C12orf50: variants seen among roughly 807,000 people sequenced by gnomAD.
C12orf50 encodes zinc finger CCCH-type containing 11D.
A neutral mutation model predicts 61.6 loss-of-function variants in C12orf50; 35 were observed. The ratio of observed to expected loss-of-function variants is 0.57; its 90% confidence interval spans 0.43 to 0.75. The LOEUF is 0.75. Ranked by LOEUF, C12orf50 falls within the 30% of genes least tolerant of loss-of-function variation. The pLI is 0.00. For synonymous variants in C12orf50, 178 were observed against 161.5 expected (o/e 1.10, Z -0.77); for missense variants, 475 against 488.5 (o/e 0.97, Z 0.26).
intron 3 of C12orf50, among the ~76,000 whole-genome samples, chr12:87,999,134 A>T (rs959019234): frequency 6.6e-6 from 1 of 152,206 alleles, no homozygotes; most frequent in African/African-American, 2.4e-5. Flanking sequence ...AACAAGTCCC[A>T]GATTTTGCTG....
chr12:88,023,384 G>A (rs867316524), intron 3 of C12orf50, among the ~76,000 whole-genome samples: 1 of 151,740 alleles, frequency 6.6e-6, no homozygotes, highest in Non-Finnish European at 1.5e-5. Context: ...CTTAAATGTA[G>A]GCCAGGCACG....
intron 3 of C12orf50, among the ~76,000 whole-genome samples, chr12:88,001,126 G>A (rs977131781): frequency 6.6e-6 from 1 of 151,746 alleles, no homozygotes; most frequent in Non-Finnish European, 1.5e-5. Flanking sequence ...GCTATCAGCT[G>A]TGGATTTTTC....
At chr12:88,010,196 T>A (rs2136461531) in intron 3 of C12orf50, among the ~76,000 whole-genome samples, 1 of 152,096 alleles carries the variant, frequency 6.6e-6, no homozygotes, top group East Asian at 1.9e-4. Context: ...CTGTGGCCAG[T>A]GCTAGACTGT....
At chr12:87,995,432 A>T (rs1219492035) in intron 6 of C12orf50, among the ~76,000 whole-genome samples, 1 of 152,198 alleles carries the variant, frequency 6.6e-6, no homozygotes, top group Non-Finnish European at 1.5e-5. Flanking sequence ...CATGTCTGTA[A>T]CTTATTCTCT....
intron 3 of C12orf50, among the ~76,000 whole-genome samples, chr12:88,002,783 C>T (rs780533196): frequency 6.6e-6 from 1 of 151,604 alleles, no homozygotes; most frequent in African/African-American, 2.4e-5. Flanking sequence ...CTTTCTTTTA[C>T]ACTGATGAAT....
chr12:88,025,318 G>C (rs1215060209), intron 3 of C12orf50, among the ~76,000 whole-genome samples: 1 of 152,122 alleles, frequency 6.6e-6, no homozygotes, highest in Non-Finnish European at 1.5e-5. Context: ...ATGCTACTAG[G>C]TGGGTGGATG....
rs141441001 is a variant in C12orf50, at chr12:87,983,180, G to A, written c.1142C>T (p.Thr381Ile). 67 of 1,596,774 alleles carry A rather than the reference G, an allele frequency of 4.2e-5. No individual in the cohort carries two copies. The highest frequency in any genetic ancestry group is 3.3e-4 in the Middle Eastern group (2 of 6,008). The change falls in exon 12 of 13, where the codon ACA (threonine) becomes ATA (isoleucine). Residue 381 changes from threonine (T) to isoleucine (I), a missense_variant. Transcript: ENST00000298699. ...PNLSPDKYTS[T>I]SYNDSAWRKR... Reference sequence around the variant, plus strand: ...TCGCCAGGCTGAATCATTATATGATGTTGACGTATATTTGTCTGAGGGAAA... The same window carrying A: ...TCGCCAGGCTGAATCATTATATGATATTGACGTATATTTGTCTGAGGGAAA...
At chr12:88,018,249 G>A (rs147736598) in intron 3 of C12orf50, among the ~76,000 whole-genome samples, 3 of 152,326 alleles carry the variant, frequency 2.0e-5, no homozygotes, top group South Asian at 2.1e-4. Context: ...CTCCAATCAC[G>A]GCTGAAAGGG....
chr12:87,980,635 T>G (rs1427131795), intron 12 of C12orf50, among the ~76,000 whole-genome samples: 1 of 152,118 alleles, frequency 6.6e-6, no homozygotes. Flanking sequence ...GAAGGCTCCA[T>G]CATATGGAGA....
rs1232247174 is a variant in C12orf50, at chr12:88,027,036, G to T, written c.-74C>A. 6.2e-7 allele frequency: 1 copy of T among 1,613,486 alleles called. No homozygotes were observed. Among genetic ancestry groups the T allele is most frequent in the Non-Finnish European group, 8.5e-7 (1 of 1,179,834 alleles). On this transcript the variant is annotated 5_prime_UTR_variant, in exon 2 of 13. Coordinates refer to ENST00000298699, the MANE Select transcript of C12orf50 (RefSeq NM_152589.3). Reference sequence around the variant, plus strand: ...TGAGCACACAGTGTCACTGCCAAGGGCCTCTTCACAGTGTCGGAATCGGCA... The same window carrying T: ...TGAGCACACAGTGTCACTGCCAAGGTCCTCTTCACAGTGTCGGAATCGGCA...
chr12:88,014,475 T>C (rs1390473611), intron 3 of C12orf50, among the ~76,000 whole-genome samples: 1 of 152,080 alleles, frequency 6.6e-6, no homozygotes, highest in Non-Finnish European at 1.5e-5. Context: ...CTAATTTTTG[T>C]ATTTTTAGTA....
At position 87,988,345 on chromosome 12, in the gene C12orf50, C is replaced by A. The variant is rs140215035; in HGVS notation, c.701-379G>T. On this transcript the variant is annotated intron_variant, in intron 8 of 12. Transcript: ENST00000298699. Reference sequence around the variant, plus strand: ...CTTTAACTTGCTATATGCTTTGGAGCAGGACTCCTTAGTAGGGCTTTCCAC... The same window carrying A: ...CTTTAACTTGCTATATGCTTTGGAGAAGGACTCCTTAGTAGGGCTTTCCAC... 2.4e-3 allele frequency among the ~76,000 whole-genome samples: 361 copies of A among 152,242 alleles called. 3 individuals carry two copies. The highest frequency in any genetic ancestry group is 8.4e-3 in the African/African-American group (350 of 41,544).
At chr12:88,027,144 T>C in intron 1 of C12orf50, 74 bp from the exon 2 acceptor site, 1 of 1,404,674 alleles carries the variant, frequency 7.1e-7, no homozygotes, top group Non-Finnish European at 9.5e-7. Flanking sequence ...GGTTGCTAAT[T>C]AGTTAAACGA....
chr12:87,986,425 AG>A lies in C12orf50; in HGVS notation c.818-10del. 1.3e-6 allele frequency: 2 copies of A among 1,585,738 alleles called. No individual in the cohort carries two copies. Among genetic ancestry groups the A allele is most frequent in the Non-Finnish European group, 1.7e-6 (2 of 1,167,904 alleles). ...TGGCTGGACATCATTCACTTAGAAA[AG>A]ATACAAATTTTACAATTTTTTAAGA... On this transcript the variant is annotated splice_polypyrimidine_tract_variant and intron_variant, in intron 9 of 12. Transcript: ENST00000298699.
At chr12:88,026,653 A>G (rs2032718086) in intron 2 of C12orf50, 45 bp from the exon 3 acceptor site, 1 of 1,600,778 alleles carries the variant, frequency 6.2e-7, no homozygotes. Context: ...TAGATGCCAT[A>G]TTTACAACAA....
At chr12:88,014,550 C>T (rs1022772752) in intron 3 of C12orf50, among the ~76,000 whole-genome samples, 2 of 152,164 alleles carry the variant, frequency 1.3e-5, no homozygotes, top group South Asian at 2.1e-4. Context: ...CCGCCCGCCT[C>T]GGCCTCCCAA....
chr12:87,996,832 G>A (rs1403607588), intron 4 of C12orf50, among the ~76,000 whole-genome samples, 186 bp from the exon 5 acceptor site: 1 of 152,144 alleles, frequency 6.6e-6, no homozygotes, highest in Non-Finnish European at 1.5e-5. Context: ...TCAAAACAAT[G>A]TCAAGAGAAA....
chr12:87,981,504 T>C (rs941346603), intron 12 of C12orf50, among the ~76,000 whole-genome samples: 4 of 152,152 alleles, frequency 2.6e-5, no homozygotes, highest in Admixed American at 6.6e-5. Flanking sequence ...TCCCAGGTGA[T>C]GTCATTGCAG....
chr12:88,023,483 T>G (rs1344798099), intron 3 of C12orf50, among the ~76,000 whole-genome samples: 2 of 148,168 alleles, frequency 1.3e-5, no homozygotes, highest in Non-Finnish European at 3.0e-5. Context: ...GCCAACATGG[T>G]GAAACTTCGT....
Sources: gnomAD v4.1 joint callset for allele counts (sites outside exome capture counted in the v4.1 genomes callset) on GRCh38, gnomAD v4.1.1 for gene constraint, MANE v1.5 for transcripts, NCBI Gene and HGNC (gene_info 2026-07-23, HGNC 2026-07-21) for gene names.